The following COL5A2 variants were observed in gnomAD, a reference collection of about 807,000 sequenced individuals.
The protein encoded by COL5A2 is collagen alpha-2(V) chain.
A neutral mutation model predicts 208.2 loss-of-function variants in COL5A2; 23 were observed. That is an observed-to-expected ratio of 0.11 (90% confidence interval 0.08 to 0.16). The LOEUF (loss-of-function observed/expected upper bound fraction) is 0.16, where lower values mean the gene tolerates loss of function less well. COL5A2 is among the 10% of genes least tolerant of loss of function. The probability of loss-of-function intolerance (pLI) is 1.00; values close to 1 mark genes in which losing one functional copy is unlikely to be tolerated. For synonymous variants in COL5A2, 625 were observed against 628.5 expected (o/e 0.99, Z 0.08); for missense variants, 1,590 against 1,956.4 (o/e 0.81, Z 3.53).
At chr2:189,058,633 A>G (rs915045916) in intron 32 of COL5A2, 106 bp from the exon 33 acceptor site, 3 of 1,081,994 alleles carry the variant, frequency 2.8e-6, no homozygotes, top group African/African-American at 1.6e-5. Flanking sequence ...GAAATGAGAC[A>G]TTACTAAATC....
In COL5A2 at chr2:189,179,565, G is replaced by A. The variant is rs1239855488; in HGVS notation, c.40C>T (p.Leu14Phe). The stretch of plus-strand genomic sequence containing the variant: ...ACAAATTGCCCTAATAAAACAATAA[G>A]AATGAGGAGAGGTCTTGCTTCCGCC... The part of the protein sequence containing the change: ...NWAEARPLLI[L>F]IVLLGQFVSI... Residue 14 changes from leucine (L) to phenylalanine (F), a missense_variant, in exon 1 of 54, where the codon CTT becomes TTT. Physicochemically the swap from Leu to Phe is conservative, Grantham distance 22. Coordinates refer to ENST00000374866, the MANE Select transcript of COL5A2 (RefSeq NM_000393.5). 6.2e-7 allele frequency: 1 copy of A among 1,610,118 alleles called. No homozygotes were observed. The highest frequency in any genetic ancestry group is 8.5e-7 in the Non-Finnish European group (1 of 1,177,936).
chr2:189,390,201 C>T, the COL5A2 span, among the ~76,000 whole-genome samples: 1 of 152,040 alleles, frequency 6.6e-6, no homozygotes, highest in Non-Finnish European at 1.5e-5. Context: ...ATCTTAGCAA[C>T]CCCAATCCCC....
rs190238913 is a variant in COL5A2 at position 189,082,203 on chromosome 2, T to C, written c.853-1160A>G. ...AAAAATCCTTCTGCTCTGCAAATCATAGGTTTCATTCACTATTTCTAAATG... is the reference window on the plus strand; with the variant it reads ...AAAAATCCTTCTGCTCTGCAAATCACAGGTTTCATTCACTATTTCTAAATG... On this transcript the variant is annotated intron_variant, in intron 12 of 53. Coordinates refer to ENST00000374866, the MANE Select transcript of COL5A2 (RefSeq NM_000393.5). Among the ~76,000 whole-genome samples, 8 of 152,352 alleles carry C rather than the reference T, an allele frequency of 5.3e-5. No individual in the cohort carries two copies. The East Asian group carries it at 1.3e-3, about 26-fold the overall frequency.
chr2:189,064,907 T>C (rs1388072750), intron 24 of COL5A2, 97 bp downstream of exon 24: 1 of 1,176,374 alleles, frequency 8.5e-7, no homozygotes, highest in African/African-American at 1.5e-5. Context: ...TTTCTGGATC[T>C]GAGCCCATGC....
At chr2:189,065,851 A>C (rs1686137681) in intron 23 of COL5A2, among the ~76,000 whole-genome samples, 1 of 152,134 alleles carries the variant, frequency 6.6e-6, no homozygotes, top group Admixed American at 6.5e-5. Flanking sequence ...TCTGCTAAGA[A>C]TGTTCTTCCT....
At chr2:189,391,377 G>A in the COL5A2 span, among the ~76,000 whole-genome samples, 71 of 152,226 alleles carry the variant, frequency 4.7e-4, no homozygotes, top group African/African-American at 1.4e-3. Context: ...CTGACTCGTG[G>A]CTAAGTCTCC....
intron 41 of COL5A2, 107 bp from the exon 42 acceptor site, chr2:189,051,588 T>C: frequency 1.0e-6 from 1 of 974,698 alleles, no homozygotes; most frequent in East Asian, 2.8e-5. Flanking sequence ...GCCTCGCAGG[T>C]TCATTTTACC....
chr2:189,297,976 T>C, the COL5A2 span, among the ~76,000 whole-genome samples: 1 of 152,254 alleles, frequency 6.6e-6, no homozygotes, highest in African/African-American at 2.4e-5. Context: ...AACTTTTGGT[T>C]ATTAAAATCC....
At chr2:189,260,538 G>C in the COL5A2 span, among the ~76,000 whole-genome samples, 4 of 152,246 alleles carry the variant, frequency 2.6e-5, no homozygotes, top group East Asian at 7.7e-4. Flanking sequence ...CAAAGGCTGA[G>C]AAATGATGTG....
chr2:189,397,784 T>C, the COL5A2 span, among the ~76,000 whole-genome samples: 1 of 151,998 alleles, frequency 6.6e-6, no homozygotes, highest in African/African-American at 2.4e-5. Context: ...AAATTTCTTA[T>C]AAACTTGTTT....
the COL5A2 span, among the ~76,000 whole-genome samples, chr2:189,430,706 C>T: frequency 6.6e-6 from 1 of 152,136 alleles, no homozygotes; most frequent in African/African-American, 2.4e-5. Context: ...TGGAGGCCCA[C>T]TGCAGCTCAG....
the COL5A2 span, among the ~76,000 whole-genome samples, chr2:189,235,312 T>C: frequency 6.6e-6 from 1 of 151,846 alleles, no homozygotes; most frequent in African/African-American, 2.4e-5. Flanking sequence ...TACTAAATCA[T>C]CTGTTCCTTC....
the COL5A2 span, among the ~76,000 whole-genome samples, chr2:189,325,693 T>C: frequency 6.6e-6 from 1 of 152,256 alleles, no homozygotes; most frequent in South Asian, 2.1e-4. Context: ...AATGTACTTA[T>C]ACTTTCACTC....
the COL5A2 span, among the ~76,000 whole-genome samples, chr2:189,321,748 G>C: frequency 5.3e-5 from 8 of 152,118 alleles, no homozygotes; most frequent in Non-Finnish European, 2.9e-5. Context: ...ACACCCCATT[G>C]TCAACATTAG....
the COL5A2 span, among the ~76,000 whole-genome samples, chr2:189,308,486 G>A: frequency 1.3e-5 from 2 of 152,078 alleles, no homozygotes; most frequent in Non-Finnish European, 2.9e-5. Context: ...TATCTCTTAG[G>A]AGGGAAAATA....
At chr2:189,288,276 TG>T in the COL5A2 span, among the ~76,000 whole-genome samples, 1 of 152,226 alleles carries the variant, frequency 6.6e-6, no homozygotes, top group Non-Finnish European at 1.5e-5. Context: ...GTCTTTCTCC[TG>T]CACATTATAA....
At chr2:189,368,215 A>T in the COL5A2 span, among the ~76,000 whole-genome samples, 1 of 152,210 alleles carries the variant, frequency 6.6e-6, no homozygotes, top group Non-Finnish European at 1.5e-5. Flanking sequence ...CCCTTTGAGA[A>T]TGTATAACTG....
At chr2:189,184,563 G>A (rs1688823471), upstream of COL5A2, among the ~76,000 whole-genome samples, 1 of 152,022 alleles carries the variant, frequency 6.6e-6, no homozygotes, top group Non-Finnish European at 1.5e-5. Context: ...TCCTTGTTTT[G>A]TGGCCCCTTC....
At chr2:189,238,366 A>C in the COL5A2 span, among the ~76,000 whole-genome samples, 1 of 152,130 alleles carries the variant, frequency 6.6e-6, no homozygotes, top group African/African-American at 2.4e-5. Context: ...CTGTACATTG[A>C]AAATGGATCA....
Sources: gnomAD v4.1 joint callset for allele counts (sites outside exome capture counted in the v4.1 genomes callset) on GRCh38, gnomAD v4.1.1 for gene constraint, MANE v1.5 for transcripts, NCBI Gene and HGNC (gene_info 2026-07-23, HGNC 2026-07-21) for gene names.